Variants in FABP7 observed in about 807,000 individuals in gnomAD.
FABP7 encodes the protein fatty acid-binding protein, brain.
Under a neutral mutation model 14.2 loss-of-function variants are expected in FABP7, and 13 were observed. The observed-to-expected ratio is 0.91, with a 90% CI of 0.59 to 1.45. The LOEUF (loss-of-function observed/expected upper bound fraction) is 1.45, where lower values mean the gene tolerates loss of function less well. FABP7 is among the 40% of genes most tolerant of loss of function. The pLI is 0.00. For synonymous variants in FABP7, 49 were observed against 51.4 expected, an observed-to-expected ratio of 0.95 and a Z score of 0.20; for missense variants, 149 against 157.6, an observed-to-expected ratio of 0.95 and a Z score of 0.29.
At chr6:122,767,367 G>A in the FABP7 span, among the ~76,000 whole-genome samples, 2 of 152,020 alleles carry the variant, frequency 1.3e-5, no homozygotes, top group Non-Finnish European at 2.9e-5. Context: ...AAAATTGACA[G>A]CTTAGCAATG....
the FABP7 span, among the ~76,000 whole-genome samples, chr6:122,755,302 C>G: frequency 6.6e-6 from 1 of 152,046 alleles, no homozygotes; most frequent in East Asian, 1.9e-4. Context: ...AAAACATGTA[C>G]TTCTTTTTAT....
chr6:122,756,246 C>T, the FABP7 span, among the ~76,000 whole-genome samples: 1 of 152,204 alleles, frequency 6.6e-6, no homozygotes, highest in African/African-American at 2.4e-5. Context: ...TTCCCCCAAG[C>T]TTTGCAAAAC....
intron 2 of FABP7, among the ~76,000 whole-genome samples, 159 bp from the exon 3 acceptor site, chr6:122,780,934 A>G (rs1184491575): frequency 2.0e-5 from 3 of 152,238 alleles, no homozygotes; most frequent in Admixed American, 1.3e-4. Context: ...ATTCAAATTT[A>G]CATAATAGAA....
At chr6:122,764,108 A>G in the FABP7 span, among the ~76,000 whole-genome samples, 123 of 152,334 alleles carry the variant, frequency 8.1e-4, no homozygotes, top group Middle Eastern at 3.4e-3. Context: ...TTGTGGCACT[A>G]TTCACAATAG....
chr6:122,780,525 C>A, intron 2 of FABP7, 62 bp downstream of exon 2: 1 of 1,496,408 alleles, frequency 6.7e-7, no homozygotes, highest in Non-Finnish European at 9.1e-7. Flanking sequence ...TAAAGATTTC[C>A]AATGCATGTT....
the FABP7 span, among the ~76,000 whole-genome samples, chr6:122,762,715 G>A: frequency 1.8e-4 from 28 of 152,132 alleles, no homozygotes; most frequent in African/African-American, 5.8e-4. Flanking sequence ...AAATCAATGT[G>A]CAAAAATCAC....
At chr6:122,773,545 AT>A in the FABP7 span, among the ~76,000 whole-genome samples, 7 of 152,300 alleles carry the variant, frequency 4.6e-5, no homozygotes, top group Admixed American at 3.9e-4. Flanking sequence ...CTGTGGGCCA[AT>A]GGTGCTTTTA....
the FABP7 span, among the ~76,000 whole-genome samples, chr6:122,767,317 G>A: frequency 1.3e-5 from 2 of 152,030 alleles, no homozygotes; most frequent in African/African-American, 2.4e-5. Flanking sequence ...CAAATTGGGA[G>A]ACTTGCTTTT....
the FABP7 span, among the ~76,000 whole-genome samples, chr6:122,749,516 G>A: frequency 9.2e-5 from 14 of 152,104 alleles, no homozygotes; most frequent in South Asian, 2.1e-4. Context: ...CTTAAGGTCC[G>A]ATGCTCCAAA....
chr6:122,762,983 T>A, the FABP7 span, among the ~76,000 whole-genome samples: 1,877 of 152,228 alleles, frequency 0.012, 37 homozygotes, highest in African/African-American at 0.043. Flanking sequence ...TCCAGATTCA[T>A]TGCCATCCCC....
At chr6:122,779,984 C>G in intron 1 of FABP7, 117 bp downstream of exon 1, 1 of 992,322 alleles carries the variant, frequency 1.0e-6, no homozygotes, top group Non-Finnish European at 1.6e-6. Flanking sequence ...TTGCCCTGAT[C>G]AGATGCTAGG....
At chr6:122,757,638 C>A in the FABP7 span, among the ~76,000 whole-genome samples, 20 of 151,966 alleles carry the variant, frequency 1.3e-4, no homozygotes, top group African/African-American at 4.8e-4. Flanking sequence ...GAAGTTGAGT[C>A]AGTAATGAAG....
chr6:122,777,455 A>G (rs1780693899), upstream of FABP7, among the ~76,000 whole-genome samples: 1 of 152,148 alleles, frequency 6.6e-6, no homozygotes, highest in African/African-American at 2.4e-5. Context: ...GAAGTCGGAC[A>G]TACTTCTGAC....
chr6:122,754,885 C>T, the FABP7 span, among the ~76,000 whole-genome samples: 1 of 152,134 alleles, frequency 6.6e-6, no homozygotes, highest in African/African-American at 2.4e-5. Flanking sequence ...TTGCAGTTCC[C>T]TGGTGTCCCT....
the FABP7 span, among the ~76,000 whole-genome samples, chr6:122,763,726 T>C: frequency 6.6e-6 from 1 of 151,928 alleles, no homozygotes; most frequent in African/African-American, 2.4e-5. Context: ...AACAAGTGGG[T>C]GAAGGATATG....
the FABP7 span, among the ~76,000 whole-genome samples, chr6:122,773,682 C>A: frequency 6.6e-6 from 1 of 152,138 alleles, no homozygotes; most frequent in Non-Finnish European, 1.5e-5. Context: ...TGCTGCATAA[C>A]CTTGGATATC....
intron 3 of FABP7, chr6:122,782,704 G>A (rs1318718536): frequency 1.0e-6 from 1 of 985,358 alleles, no homozygotes; most frequent in Non-Finnish European, 1.2e-6. Context: ...AGAAAGTTTT[G>A]TTGTTTAAGA....
At chr6:122,777,450 C>A (rs780274646), upstream of FABP7, among the ~76,000 whole-genome samples, 1 of 152,064 alleles carries the variant, frequency 6.6e-6, no homozygotes, top group Non-Finnish European at 1.5e-5. Flanking sequence ...GAAGGGAAGT[C>A]GGACATACTT....
At chr6:122,781,022 C>A in intron 2 of FABP7, 71 bp from the exon 3 acceptor site, 1 of 1,501,354 alleles carries the variant, frequency 6.7e-7, no homozygotes, top group Non-Finnish European at 8.9e-7. Flanking sequence ...TTTCAAAAAT[C>A]ACATCGTCTT....
Sources: gnomAD v4.1 joint callset for allele counts (sites outside exome capture counted in the v4.1 genomes callset) on GRCh38, gnomAD v4.1.1 for gene constraint, MANE v1.5 for transcripts, NCBI Gene and HGNC (gene_info 2026-07-23, HGNC 2026-07-21) for gene names.